PRKN: variants seen among roughly 807,000 people sequenced by gnomAD.
PRKN encodes parkin RBR E3 ubiquitin protein ligase.
A neutral mutation model predicts 59.5 loss-of-function variants in PRKN; 56 were observed. That is an observed-to-expected ratio of 0.94 (90% CI 0.76 to 1.18). The LOEUF is 1.18. Ranked by LOEUF, PRKN falls within the 50% of genes most tolerant of loss-of-function variation. The pLI, the probability that PRKN is intolerant of heterozygous loss-of-function variation, is 0.00. For missense variants in PRKN, 657 were observed against 596.4 expected, an observed-to-expected ratio of 1.10 and a Z score of -1.06; for synonymous variants, 250 against 222.1, an observed-to-expected ratio of 1.13 and a Z score of -1.12.
intron 7 of PRKN, among the ~76,000 whole-genome samples, chr6:161,598,028 TAAC>T (rs1781978051): frequency 6.6e-6 from 1 of 152,174 alleles, no homozygotes. Context: ...AAACAAAACA[TAAC>T]AAAATTAAGA....
At chr6:162,443,709 T>C (rs1790173960) in intron 1 of PRKN, among the ~76,000 whole-genome samples, 2 of 152,166 alleles carry the variant, frequency 1.3e-5, no homozygotes, top group Admixed American at 1.3e-4. Flanking sequence ...AAACCAAAAT[T>C]GCATTCTCCC....
chr6:162,442,329 T>C (rs1376361754), intron 2 of PRKN, among the ~76,000 whole-genome samples: 1 of 152,178 alleles, frequency 6.6e-6, no homozygotes, highest in Non-Finnish European at 1.5e-5. Flanking sequence ...GCTGTAAACC[T>C]GAGTGCAATT....
chr6:161,916,031 G>GA lies in PRKN; in HGVS notation c.734+57270dup, dbSNP rs368972817. On this transcript the variant is annotated intron_variant, in intron 6 of 11. Coordinates refer to ENST00000366898, the MANE Select transcript of PRKN (RefSeq NM_004562.3). ...TAAAGAAAATAGCTATGAATTTACT[G>GA]AAAAAAAAGCATTATCCCTAATTAA... 1.3e-3 allele frequency among the ~76,000 whole-genome samples: 196 copies of GA among 151,424 alleles called. 1 individual carries two copies. Among genetic ancestry groups the GA allele is most frequent in the African/African-American group, 4.2e-3 (175 of 41,312 alleles).
rs1178649915 is a variant in PRKN, at chr6:161,533,823, G to T, written c.1083+15031C>A. On this transcript the variant is annotated intron_variant, in intron 9 of 11. Transcript: ENST00000366898. The surrounding 1 kb of genome is among the most constrained non-coding windows in gnomAD (Gnocchi z 4.1). The stretch of plus-strand genomic sequence containing the variant: ...CGTGTCTGTGTACTTAATTTTCTTG[G>T]CGTGAGATAAGGAACCCTGGGGATT... 1.3e-5 allele frequency among the ~76,000 whole-genome samples: 2 copies of T among 151,752 alleles called. No homozygotes were observed.
At chr6:161,833,116 G>A (rs1242087978) in intron 6 of PRKN, among the ~76,000 whole-genome samples, 1 of 152,118 alleles carries the variant, frequency 6.6e-6, no homozygotes, top group Non-Finnish European at 1.5e-5. Flanking sequence ...GAACAACCGG[G>A]AGGAAGGAGA....
At position 161,352,769 on chromosome 6, in the gene PRKN, A is replaced by ATATTTTTTTTTT. The variant is rs1784607767; in HGVS notation, c.1286-2559_1286-2558insAAAAAAAAAATA. On this transcript the variant is annotated intron_variant, in intron 11 of 11. Coordinates refer to ENST00000366898, the MANE Select transcript of PRKN (RefSeq NM_004562.3). This position sits in a 1 kb window ranked among gnomAD's most constrained non-coding sequence, Gnocchi z 5.8. ...TGTGTGTGTGTGTATATATATATAT[A>ATATTTTTTTTTT]TATTTTATTTTATTTTATTTTATTT... Among the ~76,000 whole-genome samples, 1 of 119,448 alleles carries ATATTTTTTTTTT rather than the reference A, an allele frequency of 8.4e-6. No homozygotes were observed. The highest frequency in any genetic ancestry group is 2.9e-5 in the African/African-American group (1 of 34,328). 78.4% of individuals were successfully genotyped at this position (119,448 alleles called of 152,430 possible).
intron 1 of PRKN, among the ~76,000 whole-genome samples, chr6:162,556,342 G>GGGGGTGTGTGTGT (rs1175202893): frequency 1.7e-5 from 1 of 57,300 alleles, no homozygotes; most frequent in Non-Finnish European, 3.3e-5. Flanking sequence ...CTACTCAGCT[G>GGGGGTGTGTGTGT]GTGTGTGTGT....
chr6:162,291,425 A>G (rs1020328460), intron 2 of PRKN, among the ~76,000 whole-genome samples: 1 of 152,060 alleles, frequency 6.6e-6, no homozygotes, highest in Non-Finnish European at 1.5e-5. Flanking sequence ...GGGAAGGGAC[A>G]TCGCAGGAAT....
intron 3 of PRKN, among the ~76,000 whole-genome samples, chr6:162,239,094 T>G (rs1288920207): frequency 6.6e-6 from 1 of 152,166 alleles, no homozygotes; most frequent in African/African-American, 2.4e-5. Context: ...AATGCTTAAA[T>G]GTAATATTTT....
At chr6:161,761,024 G>A (rs779198261) in intron 7 of PRKN, among the ~76,000 whole-genome samples, 17 of 152,148 alleles carry the variant, frequency 1.1e-4, no homozygotes, top group Non-Finnish European at 2.1e-4. Flanking sequence ...GCAGACTGCC[G>A]TAAAATAGAG....
intron 5 of PRKN, among the ~76,000 whole-genome samples, chr6:161,976,549 G>C (rs978321749): frequency 2.0e-5 from 3 of 152,156 alleles, no homozygotes; most frequent in African/African-American, 7.2e-5. Flanking sequence ...CCTGAACATA[G>C]GATCCCATTC....
Position 161,395,582 on chromosome 6 carries a change from G to A in PRKN, c.1084-8705C>T, listed in dbSNP as rs1786718293. On this transcript the variant is annotated intron_variant, in intron 9 of 11. Transcript: ENST00000366898. The surrounding 1 kb of genome is among the most constrained non-coding windows in gnomAD (Gnocchi z 5.0). ...TCAGTCACAGGCTTAGCAGCAAGGT[G>A]GGTGGAAGCTGCTTCCCCAACACGC... Among the ~76,000 whole-genome samples the A allele has an allele frequency of 6.6e-6, 1 of 152,192 alleles. No homozygotes were observed. Among genetic ancestry groups the A allele is most frequent in the Admixed American group, 6.5e-5 (1 of 15,284 alleles).
intron 2 of PRKN, among the ~76,000 whole-genome samples, chr6:162,317,495 G>A (rs1451555270): frequency 1.3e-5 from 2 of 151,958 alleles, no homozygotes; most frequent in African/African-American, 4.8e-5. Flanking sequence ...GTCTTTATTA[G>A]CAGCATGAAA....
intron 1 of PRKN, among the ~76,000 whole-genome samples, chr6:162,604,331 C>T (rs753596401): frequency 6.6e-6 from 1 of 152,150 alleles, no homozygotes; most frequent in African/African-American, 2.4e-5. Flanking sequence ...ATTTGTTTCG[C>T]AGCCTGTGCT....
At chr6:161,767,128 G>C (rs1479234004) in intron 7 of PRKN, among the ~76,000 whole-genome samples, 3 of 152,216 alleles carry the variant, frequency 2.0e-5, no homozygotes, top group African/African-American at 7.2e-5. Flanking sequence ...TTCTACCATA[G>C]TGATCTAATT....
chr6:161,687,285 A>T lies in PRKN; in HGVS notation c.871+98487T>A, dbSNP rs567774320. 1.5e-3 allele frequency among the ~76,000 whole-genome samples: 209 copies of T among 143,360 alleles called. 1 individual carries two copies. Among genetic ancestry groups the T allele is most frequent in the Non-Finnish European group, 2.5e-3 (164 of 66,308 alleles). 94.0% of individuals were successfully genotyped at this position (143,360 alleles called of 152,430 possible). ...GTGCCTGTAATCCCAGCTACTCGGGAGGCTGAGACAGGGGAATTGCTTGAA... is the reference window on the plus strand; with the variant it reads ...GTGCCTGTAATCCCAGCTACTCGGGTGGCTGAGACAGGGGAATTGCTTGAA... On this transcript the variant is annotated intron_variant, in intron 7 of 11. Transcript: ENST00000366898.
chr6:161,436,171 T>C (rs1307712054), intron 9 of PRKN, among the ~76,000 whole-genome samples: 1 of 79,308 alleles, frequency 1.3e-5, no homozygotes, highest in African/African-American at 4.9e-5. Context: ...GGGGGCGAGA[T>C]GGGAGGGCAG....
intron 1 of PRKN, among the ~76,000 whole-genome samples, chr6:162,464,921 T>C (rs1791348319): frequency 6.6e-6 from 1 of 152,020 alleles, no homozygotes; most frequent in Non-Finnish European, 1.5e-5. Flanking sequence ...TAATAAATAT[T>C]AATGCATTTG....
intron 7 of PRKN, among the ~76,000 whole-genome samples, chr6:161,599,199 T>G (rs1304776369): frequency 1.3e-5 from 2 of 152,212 alleles, no homozygotes; most frequent in Non-Finnish European, 2.9e-5. Context: ...TTCCTGTTGT[T>G]TTAAGCCATC....
Sources: gnomAD v4.1 joint callset for allele counts (sites outside exome capture counted in the v4.1 genomes callset) on GRCh38, gnomAD v4.1.1 for gene constraint, Gnocchi (gnomAD v3.1) non-coding constraint, MANE v1.5 for transcripts, NCBI Gene and HGNC (gene_info 2026-07-23, HGNC 2026-07-21) for gene names.